RBM20: variants seen among roughly 807,000 people sequenced by gnomAD.
RBM20 encodes RNA-binding protein 20.
Under a neutral mutation model 110.1 loss-of-function variants are expected in RBM20, and 51 were observed. The ratio of observed to expected loss-of-function variants is 0.46; its 90% CI spans 0.37 to 0.59. The LOEUF is 0.59. Among genes scored for constraint, RBM20 ranks in the 20% least tolerant of loss-of-function variants. The pLI, the probability that RBM20 is intolerant of heterozygous loss-of-function variation, is 0.00. For synonymous variants in RBM20, 589 were observed against 618.2 expected (o/e 0.95, Z 0.70); for missense variants, 1,512 against 1,574.9 (o/e 0.96, Z 0.68).
At chr10:110,709,300 G>A (rs544621314) in intron 1 of RBM20, among the ~76,000 whole-genome samples, 9 of 152,234 alleles carry the variant, frequency 5.9e-5, no homozygotes, top group African/African-American at 2.2e-4. Context: ...CAAAGACCCA[G>A]GGGATGACCC....
At chr10:110,746,512 C>T (rs1292448148) in intron 1 of RBM20, among the ~76,000 whole-genome samples, 1 of 152,164 alleles carries the variant, frequency 6.6e-6, no homozygotes, top group African/African-American at 2.4e-5. Context: ...GGAGAGCTGC[C>T]ACTGCTTTCC....
intron 1 of RBM20, among the ~76,000 whole-genome samples, chr10:110,684,570 T>C (rs533887843): frequency 1.3e-3 from 191 of 152,314 alleles, no homozygotes; most frequent in African/African-American, 3.8e-3. Flanking sequence ...AAAAGCCTCA[T>C]AAACTACAGC....
In RBM20 at chr10:110,836,039, T is replaced by TG; in HGVS notation, c.*65dup. 2.9e-6 allele frequency: 2 copies of TG among 697,292 alleles called. No homozygotes were observed. The highest frequency in any genetic ancestry group is 2.5e-6 in the Non-Finnish European group (1 of 402,934). The allele number at this position is 697,292 out of a possible 1,614,324, so 43.2% of individuals were successfully genotyped here. A position where few individuals can be genotyped will look rare whatever the true frequency, so the allele number is the denominator to read the frequency against. On this transcript the variant is annotated 3_prime_UTR_variant, in exon 14 of 14. Transcript: ENST00000369519. ...GGTTGGAAAGGAGAGCTTGCTGAAGTGGGGCCTTCCTGATTCTGGGGACAG... is the reference window on the plus strand; with the variant it reads ...GGTTGGAAAGGAGAGCTTGCTGAAGTGGGGGCCTTCCTGATTCTGGGGACAG...
chr10:110,734,803 C>T (rs1277853695), intron 1 of RBM20, among the ~76,000 whole-genome samples: 1 of 150,326 alleles, frequency 6.7e-6, no homozygotes, highest in Admixed American at 6.6e-5. Flanking sequence ...CTCATGCCCC[C>T]TGAATCTGCA....
At chr10:110,768,619 A>G (rs559234587) in intron 1 of RBM20, among the ~76,000 whole-genome samples, 102 of 152,228 alleles carry the variant, frequency 6.7e-4, no homozygotes, top group Non-Finnish European at 1.2e-3. Context: ...TGCTTAAGAC[A>G]GTCATAATTT....
chr10:110,716,877 C>T (rs991558443), intron 1 of RBM20, among the ~76,000 whole-genome samples: 12 of 150,708 alleles, frequency 8.0e-5, no homozygotes, highest in Non-Finnish European at 1.8e-4. Flanking sequence ...AGATCGTGCC[C>T]CTGCACTCCC....
At position 110,810,432 on chromosome 10, in the gene RBM20, G is replaced by A. The variant is rs1844749902; in HGVS notation, c.1850G>A (p.Arg617Lys). ...ATCATCCAGGACATCCATTCCCAGA[G>A]GGAGAGGGACATGTTCCGGGAAGCA... ...AAIIQDIHSQ[R>K]ERDMFREADR... is the part of the protein sequence containing the mutation. Residue 617 changes from arginine (R) to lysine (K), a missense_variant, in exon 8 of 14, where the codon AGG becomes AAG. Around this residue, in one of 3 missense-constraint regions of RBM20, gnomAD observed 1,149 missense variants for 1,169.4 expected, o/e 0.98. Coordinates refer to ENST00000369519, the MANE Select transcript of RBM20 (RefSeq NM_001134363.3). 2 of 1,551,552 alleles carry A rather than the reference G, an allele frequency of 1.3e-6. No homozygotes were observed. Among genetic ancestry groups the A allele is most frequent in the Admixed American group, 3.9e-5 (2 of 50,992 alleles).
At chr10:110,736,953 T>A (rs1420348278) in intron 1 of RBM20, among the ~76,000 whole-genome samples, 1 of 151,526 alleles carries the variant, frequency 6.6e-6, no homozygotes, top group Non-Finnish European at 1.5e-5. Flanking sequence ...GGTGAGCAGA[T>A]CTCCTGAGGT....
chr10:110,692,201 C>T (rs1051387954), intron 1 of RBM20, among the ~76,000 whole-genome samples: 1 of 152,100 alleles, frequency 6.6e-6, no homozygotes, highest in African/African-American at 2.4e-5. Context: ...AGGAGGTATA[C>T]ATTTCCCAAC....
At chr10:110,696,130 G>A (rs1268029561) in intron 1 of RBM20, among the ~76,000 whole-genome samples, 2 of 152,168 alleles carry the variant, frequency 1.3e-5, no homozygotes, top group East Asian at 1.9e-4. Flanking sequence ...CTGCGGAAGC[G>A]TGAGCCACAC....
intron 1 of RBM20, among the ~76,000 whole-genome samples, chr10:110,703,825 A>T (rs73355080): frequency 0.027 from 4,160 of 152,298 alleles, 202 homozygotes; most frequent in African/African-American, 0.095. Context: ...ATATAAATGA[A>T]ATCAGGCCAG....
chr10:110,832,032 A>AT (rs1845062700), intron 13 of RBM20, among the ~76,000 whole-genome samples: 1 of 152,226 alleles, frequency 6.6e-6, no homozygotes, highest in Admixed American at 6.5e-5. Flanking sequence ...TGTAAAATGA[A>AT]TTTTTATTTC....
chr10:110,781,043 G>A lies in RBM20; in HGVS notation c.434G>A (p.Gly145Asp), dbSNP rs1060503413. ...CTGAGGCATCCGTCTGTGATCACTG[G>A]CCCCCACGGCCATGCTGGGGTTCCC... ...NQLRHPSVIT[G>D]PHGHAGVPQH... is the part of the protein sequence containing the mutation. Residue 145 changes from glycine to aspartate, a missense_variant, in exon 2 of 14, where the codon GGC (glycine) becomes GAC (aspartate). Physicochemically the swap from Gly to Asp is moderately conservative, Grantham distance 94. This residue lies in a region of RBM20 where 1,149 missense variants were observed against 1,169.4 expected (regional missense o/e 0.98). Transcript: ENST00000369519. 3.9e-6 allele frequency: 6 copies of A among 1,551,718 alleles called. No homozygotes were observed. The highest frequency in any genetic ancestry group is 1.4e-5 in the African/African-American group (1 of 73,018).
At chr10:110,654,243 GAC>G (rs1861989443) in intron 1 of RBM20, among the ~76,000 whole-genome samples, 2 of 152,152 alleles carry the variant, frequency 1.3e-5, no homozygotes, top group African/African-American at 4.8e-5. Context: ...CATGAGTTTG[GAC>G]ACACAGTTTA....
intron 1 of RBM20, among the ~76,000 whole-genome samples, chr10:110,774,197 A>T (rs1355783067): frequency 6.6e-6 from 1 of 152,180 alleles, no homozygotes; most frequent in East Asian, 1.9e-4. Flanking sequence ...TGTTCTGGAG[A>T]TGAGACAGCT....
At chr10:110,729,052 C>G (rs901166124) in intron 1 of RBM20, among the ~76,000 whole-genome samples, 4 of 151,984 alleles carry the variant, frequency 2.6e-5, no homozygotes, top group Admixed American at 1.3e-4. Context: ...TACTGTTCGC[C>G]GAGACAGAAT....
At chr10:110,770,370 A>C (rs903678078) in intron 1 of RBM20, among the ~76,000 whole-genome samples, 1 of 152,172 alleles carries the variant, frequency 6.6e-6, no homozygotes, top group African/African-American at 2.4e-5. Context: ...TTAAGAAAAC[A>C]CCCACCATCC....
intron 7 of RBM20, among the ~76,000 whole-genome samples, chr10:110,801,031 T>C (rs548314847): frequency 1.1e-4 from 16 of 152,308 alleles, no homozygotes; most frequent in African/African-American, 3.4e-4. Context: ...ATAACTAAGA[T>C]TGAGATAGCT....
At chr10:110,834,192 C>T (rs7917114) in intron 13 of RBM20, among the ~76,000 whole-genome samples, 52,669 of 152,080 alleles carry the variant, frequency 0.35, 10,433 homozygotes, top group Non-Finnish European at 0.45. Context: ...GGAATGTGTC[C>T]ACGTACTGGG....
Sources: gnomAD v4.1 joint callset for allele counts (sites outside exome capture counted in the v4.1 genomes callset) on GRCh38, gnomAD v4.1.1 for gene constraint, gnomAD v4.1.1 regional missense constraint, MANE v1.5 for transcripts, NCBI Gene and HGNC (gene_info 2026-07-23, HGNC 2026-07-21) for gene names.